Variants in MDGA2 observed in about 807,000 individuals in gnomAD.
The protein encoded by MDGA2 is MAM domain-containing glycosylphosphatidylinositol anchor protein 2.
MDGA2 carries 40 observed loss-of-function variants against 117.8 expected under a neutral mutation model. The ratio of observed to expected loss-of-function variants is 0.34; its 90% CI spans 0.26 to 0.44. MDGA2 has a LOEUF of 0.44. Ranked by LOEUF, MDGA2 falls within the 20% of genes least tolerant of loss-of-function variation. The pLI is 1.00. For synonymous variants in MDGA2, 452 were observed against 439.0 expected (o/e 1.03, Z -0.37); for missense variants, 1,123 against 1,250.6 (o/e 0.90, Z 1.54).
intron 1 of MDGA2, among the ~76,000 whole-genome samples, chr14:47,382,213 T>A (rs1263398014): frequency 6.6e-6 from 1 of 152,196 alleles, no homozygotes; most frequent in Non-Finnish European, 1.5e-5. Context: ...TCAAGATGGA[T>A]TAAAGACTTA....
intron 10 of MDGA2, among the ~76,000 whole-genome samples, chr14:46,888,379 TGTAA>T (rs1161960466): frequency 1.3e-5 from 2 of 151,900 alleles, no homozygotes; most frequent in Non-Finnish European, 2.9e-5. Context: ...CATGATGATA[TGTAA>T]GTAAGTGTTA....
intron 10 of MDGA2, among the ~76,000 whole-genome samples, chr14:46,890,019 C>A (rs1273579169): frequency 6.6e-6 from 1 of 151,954 alleles, no homozygotes; most frequent in East Asian, 1.9e-4. Context: ...CTAAAATAAT[C>A]CTCTTTACCA....
chr14:47,038,665 C>T (rs1417918171), intron 7 of MDGA2, among the ~76,000 whole-genome samples: 2 of 151,890 alleles, frequency 1.3e-5, no homozygotes, highest in African/African-American at 2.4e-5. Flanking sequence ...AGGCTAGATG[C>T]GGTGGCTCAT....
At chr14:47,336,717 G>C (rs1426660157) in intron 1 of MDGA2, among the ~76,000 whole-genome samples, 1 of 151,806 alleles carries the variant, frequency 6.6e-6, no homozygotes, top group Admixed American at 6.6e-5. Flanking sequence ...AGAAAAGTAG[G>C]CCCCCTCAAG....
At chr14:47,184,107 T>A (rs1884818270) in intron 3 of MDGA2, among the ~76,000 whole-genome samples, 1 of 152,020 alleles carries the variant, frequency 6.6e-6, no homozygotes, top group Non-Finnish European at 1.5e-5. Context: ...TGTGTGTATG[T>A]GTATATGTGT....
intron 1 of MDGA2, among the ~76,000 whole-genome samples, chr14:47,529,640 C>T (rs1051743742): frequency 3.9e-5 from 6 of 152,072 alleles, no homozygotes; most frequent in African/African-American, 1.4e-4. Context: ...ACAAAGAACT[C>T]TACTCCAGCA....
At chr14:47,248,649 T>A (rs1266749075) in intron 2 of MDGA2, among the ~76,000 whole-genome samples, 2 of 152,226 alleles carry the variant, frequency 1.3e-5, no homozygotes, top group Non-Finnish European at 2.9e-5. Context: ...TTATTTTTGT[T>A]CAGCTTGGTT....
Position 47,205,442 on chromosome 14 carries a change from G to A in MDGA2, c.595+12579C>T, listed in dbSNP as rs561326065. The stretch of plus-strand genomic sequence containing the variant: ...AATGGGTATTCAGAAAATGTTTATT[G>A]GTACATTATTAAAATTATTCAGAAC... On this transcript the variant is annotated intron_variant, in intron 3 of 16. Transcript: ENST00000399232. Among the ~76,000 whole-genome samples the A allele has an allele frequency of 4.6e-5, 7 of 151,716 alleles. 1 individual carries two copies. In the South Asian group the frequency reaches 1.5e-3, roughly 32 times the overall value.
intron 1 of MDGA2, among the ~76,000 whole-genome samples, chr14:47,585,076 A>C (rs977787878): frequency 6.6e-6 from 1 of 151,932 alleles, no homozygotes; most frequent in Non-Finnish European, 1.5e-5. Context: ...ACTTTTAGAA[A>C]CATATATGCA....
intron 1 of MDGA2, among the ~76,000 whole-genome samples, chr14:47,386,082 G>A (rs939860629): frequency 6.6e-6 from 1 of 152,070 alleles, no homozygotes; most frequent in African/African-American, 2.4e-5. Flanking sequence ...AGGAGTTCGA[G>A]ACCAGCCTGG....
At chr14:47,313,365 C>T (rs940445207) in intron 1 of MDGA2, among the ~76,000 whole-genome samples, 3 of 152,054 alleles carry the variant, frequency 2.0e-5, no homozygotes, top group Admixed American at 2.0e-4. Flanking sequence ...CTTAACCTCC[C>T]AGGCTCAAGC....
chr14:47,085,457 A>G (rs1890862563), intron 6 of MDGA2, among the ~76,000 whole-genome samples: 2 of 152,180 alleles, frequency 1.3e-5, no homozygotes, highest in South Asian at 4.1e-4. Flanking sequence ...TCAATATCAC[A>G]GTCTAGTCTC....
chr14:47,426,924 G>C (rs1318436736), intron 1 of MDGA2, among the ~76,000 whole-genome samples: 1 of 151,890 alleles, frequency 6.6e-6, no homozygotes, highest in Non-Finnish European at 1.5e-5. Flanking sequence ...ATTGTGAGTT[G>C]TGAGTTACTT....
chr14:46,943,824 C>T (rs1015448897), intron 9 of MDGA2, among the ~76,000 whole-genome samples: 3 of 152,196 alleles, frequency 2.0e-5, no homozygotes, highest in East Asian at 1.9e-4. Flanking sequence ...ATATTCTTGG[C>T]TTGAGCCATA....
At chr14:46,984,442 C>A (rs1248976401) in intron 8 of MDGA2, among the ~76,000 whole-genome samples, 2 of 151,692 alleles carry the variant, frequency 1.3e-5, no homozygotes, top group Non-Finnish European at 2.9e-5. Context: ...TTTATATAAT[C>A]AAAGCACCCA....
chr14:47,636,771 C>A (rs1259526682), intron 1 of MDGA2, among the ~76,000 whole-genome samples: 3 of 111,534 alleles, frequency 2.7e-5, no homozygotes, highest in East Asian at 2.9e-4. Context: ...GGCGACAGAG[C>A]GAGACTCCGT....
At chr14:47,046,984 G>C (rs963433983) in intron 7 of MDGA2, among the ~76,000 whole-genome samples, 2 of 152,218 alleles carry the variant, frequency 1.3e-5, no homozygotes, top group African/African-American at 4.8e-5. Flanking sequence ...CCCAATGTTA[G>C]AGATAATACC....
intron 5 of MDGA2, among the ~76,000 whole-genome samples, chr14:47,112,595 T>C (rs960960295): frequency 2.0e-5 from 3 of 152,230 alleles, no homozygotes; most frequent in Non-Finnish European, 4.4e-5. Flanking sequence ...GGCTGCATAG[T>C]ATTCCATGGT....
intron 5 of MDGA2, among the ~76,000 whole-genome samples, chr14:47,115,329 G>A (rs1881268497): frequency 6.6e-6 from 1 of 151,950 alleles, no homozygotes; most frequent in Non-Finnish European, 1.5e-5. Context: ...GTCTGGGATT[G>A]CTGCTCTACC....
Sources: gnomAD v4.1 joint callset for allele counts (sites outside exome capture counted in the v4.1 genomes callset) on GRCh38, gnomAD v4.1.1 for gene constraint, MANE v1.5 for transcripts, NCBI Gene and HGNC (gene_info 2026-07-23, HGNC 2026-07-21) for gene names.